PACSIN2: variants seen among roughly 807,000 people sequenced by gnomAD.
PACSIN2 encodes the protein protein kinase C and casein kinase substrate in neurons protein 2.
Under a neutral mutation model 63.8 loss-of-function variants are expected in PACSIN2, and 25 were observed. The observed-to-expected ratio is 0.39, with a 90% confidence interval of 0.29 to 0.55. The LOEUF is 0.55. Among genes scored for constraint, PACSIN2 ranks in the 20% least tolerant of loss-of-function variants. The pLI, the probability that PACSIN2 is intolerant of heterozygous loss-of-function variation, is 0.62. For synonymous variants in PACSIN2, 255 were observed against 256.2 expected (o/e 1.00, Z 0.05); for missense variants, 518 against 646.9 (o/e 0.80, Z 2.16).
chr22:43,014,354 ACACACACACACCACCCCCCCCCC>A (rs559481625), intron 1 of PACSIN2, among the ~76,000 whole-genome samples: 90,858 of 136,378 alleles, frequency 0.67, 30,554 homozygotes, highest in East Asian at 0.84. Flanking sequence ...ACACACACAG[ACACACACACACCACCCCCCCCCC>A]CCCGGGACAC....
chr22:42,896,875 T>C (rs993334910), intron 2 of PACSIN2, among the ~76,000 whole-genome samples: 1 of 152,264 alleles, frequency 6.6e-6, no homozygotes, highest in Non-Finnish European at 1.5e-5. Flanking sequence ...TAAAGTCTAA[T>C]AATACTGAAA....
intron 1 of PACSIN2, among the ~76,000 whole-genome samples, chr22:43,010,724 C>CA (rs1385972242): frequency 1.3e-5 from 2 of 151,402 alleles, no homozygotes; most frequent in East Asian, 3.9e-4. Flanking sequence ...ACAACAACAA[C>CA]AACAAAAAAA....
intron 7 of PACSIN2, among the ~76,000 whole-genome samples, chr22:42,881,726 G>A (rs1261938152): frequency 1.3e-5 from 2 of 152,182 alleles, no homozygotes; most frequent in Non-Finnish European, 1.5e-5. Context: ...TTTACTGCCT[G>A]GAGTAGGGAA....
Position 42,982,869 on chromosome 22 carries a change from TA to T in PACSIN2, c.-78+32151del, listed in dbSNP as rs1252040629. The stretch of plus-strand genomic sequence containing the variant: ...GCGAGAAACACCAAAGAATGATCAA[TA>T]AAAAAAAAAAAAAAAAAAAACAACA... On this transcript the variant is annotated intron_variant, in intron 1 of 10. Transcript: ENST00000263246. Among the ~76,000 whole-genome samples the T allele has an allele frequency of 4.2e-3, 184 of 44,018 alleles. 5 individuals are homozygous for T. The highest frequency in any genetic ancestry group is 0.01 in the African/African-American group (147 of 14,650). The allele number at this position is 44,018 out of a possible 152,430, so 28.9% of individuals were successfully genotyped here.
At chr22:43,000,846 G>A (rs547894835) in intron 1 of PACSIN2, among the ~76,000 whole-genome samples, 4 of 152,342 alleles carry the variant, frequency 2.6e-5, no homozygotes, top group Admixed American at 6.5e-5. Context: ...TGGCACTGCC[G>A]TGATCCAATC....
intron 1 of PACSIN2, among the ~76,000 whole-genome samples, chr22:42,981,564 G>A (rs1423353242): frequency 6.8e-4 from 84 of 123,158 alleles, no homozygotes; most frequent in African/African-American, 2.4e-3. Flanking sequence ...CCGTCCGGGA[G>A]GTGAGGGGCG....
intron 1 of PACSIN2, among the ~76,000 whole-genome samples, chr22:42,989,364 G>A (rs1296787506): frequency 1.3e-5 from 2 of 151,858 alleles, no homozygotes; most frequent in Non-Finnish European, 2.9e-5. Flanking sequence ...TGGGTGTGGT[G>A]GTGGATGCCT....
intron 1 of PACSIN2, among the ~76,000 whole-genome samples, chr22:42,940,435 C>G (rs1395093670): frequency 6.6e-6 from 1 of 152,168 alleles, no homozygotes; most frequent in Non-Finnish European, 1.5e-5. Flanking sequence ...ATACGGATTA[C>G]ACCAGGTAGC....
rs141200152 is a variant in PACSIN2 at position 42,983,036 on chromosome 22, G to T, written c.-78+31985C>A. ...TCTCTACTAAAAATACAAAAATTAG[G>T]CCGGGCACAGTGGCTTACAACTGTA... On this transcript the variant is annotated intron_variant, in intron 1 of 10. Coordinates refer to ENST00000263246, the MANE Select transcript of PACSIN2 (RefSeq NM_001184970.3). 5.9e-4 allele frequency among the ~76,000 whole-genome samples: 89 copies of T among 151,564 alleles called. 1 individual carries two copies. The highest frequency in any genetic ancestry group is 3.4e-3 in the Middle Eastern group (1 of 294).
At chr22:42,905,846 G>T (rs1931037646) in intron 2 of PACSIN2, among the ~76,000 whole-genome samples, 1 of 152,208 alleles carries the variant, frequency 6.6e-6, no homozygotes. Flanking sequence ...TGCCCTAAAA[G>T]CAGGAAGCCG....
In PACSIN2 at chr22:42,893,528, G is replaced by A. The variant is rs1176724202; in HGVS notation, c.146C>T (p.Ala49Val). The A allele has an allele frequency of 1.1e-5, 17 of 1,613,940 alleles. No individual in the cohort carries two copies. Among genetic ancestry groups the A allele is most frequent in the Non-Finnish European group, 1.3e-5 (15 of 1,180,024 alleles). The change falls in exon 3 of 11, where the codon GCG (alanine) becomes GTG (valine). Residue 49 changes from alanine to valine, a missense_variant. By Grantham distance (64) the Ala-to-Val change is moderately conservative (BLOSUM62 0). Coordinates refer to ENST00000263246, the MANE Select transcript of PACSIN2 (RefSeq NM_001184970.3). ...SDLMNCLHER[A>V]RIEKAYAQQL... ...CTGCGCATACGCCTTCTCGATGCGC[G>A]CCCGCTCATGCAGGCAGTTCATGAG...
chr22:42,878,159 G>A (rs61693692), intron 8 of PACSIN2, among the ~76,000 whole-genome samples: 145 of 152,264 alleles, frequency 9.5e-4, no homozygotes, highest in African/African-American at 3.4e-3. Context: ...CCAGCCCAGG[G>A]CCCCCAGGGT....
chr22:42,961,953 T>C (rs1322736310), intron 1 of PACSIN2, among the ~76,000 whole-genome samples: 1 of 152,162 alleles, frequency 6.6e-6, no homozygotes, highest in African/African-American at 2.4e-5. Flanking sequence ...TATTTCACTA[T>C]ATCCTGTGGT....
At chr22:42,924,226 G>A (rs73886179) in intron 1 of PACSIN2, among the ~76,000 whole-genome samples, 3,788 of 152,092 alleles carry the variant, frequency 0.025, 152 homozygotes, top group African/African-American at 0.088. Flanking sequence ...CAGACCCCCT[G>A]CATCTCTCCA....
chr22:42,874,284 T>A (rs1928402415), intron 10 of PACSIN2, among the ~76,000 whole-genome samples: 2 of 144,412 alleles, frequency 1.4e-5, no homozygotes, highest in African/African-American at 5.2e-5. Context: ...CGCACCACTG[T>A]AACCCAGCTT....
At chr22:42,876,376 C>T in intron 9 of PACSIN2, 43 bp from the exon 10 acceptor site, 1 of 1,574,698 alleles carries the variant, frequency 6.4e-7, no homozygotes, top group Non-Finnish European at 8.7e-7. Flanking sequence ...CACAGGGCGG[C>T]AGAGGGTGTG....
At chr22:42,980,460 A>C (rs1217459801) in intron 1 of PACSIN2, among the ~76,000 whole-genome samples, 1 of 148,566 alleles carries the variant, frequency 6.7e-6, no homozygotes, top group African/African-American at 2.5e-5. Context: ...TCAAAAAAAC[A>C]AACAACCCTC....
intron 3 of PACSIN2, among the ~76,000 whole-genome samples, chr22:42,892,177 G>C (rs1284933227): frequency 6.6e-6 from 1 of 152,128 alleles, no homozygotes. Flanking sequence ...TTCTATTCAG[G>C]GGGTAGGGTG....
intron 2 of PACSIN2, among the ~76,000 whole-genome samples, chr22:42,910,231 C>T: frequency 6.6e-6 from 1 of 152,186 alleles, no homozygotes; most frequent in South Asian, 2.1e-4. Flanking sequence ...CTGTCTGCAC[C>T]ACCACCAAGC....
Sources: gnomAD v4.1 joint callset for allele counts (sites outside exome capture counted in the v4.1 genomes callset) on GRCh38, gnomAD v4.1.1 for gene constraint, MANE v1.5 for transcripts, NCBI Gene and HGNC (gene_info 2026-07-23, HGNC 2026-07-21) for gene names.